Variants in POFUT4 observed in about 807,000 individuals in gnomAD.
POFUT4 encodes GDP-fucose protein O-fucosyltransferase 4.
At chr10:73,773,315 G>A in the POFUT4 span, 4 of 1,614,120 alleles carry the variant, frequency 2.5e-6, no homozygotes, top group Non-Finnish European at 3.4e-6. Context: ...AGTTCCACTT[G>A]GCCCTGGAAA....
the POFUT4 span, chr10:73,772,686 G>T: frequency 1.3e-6 from 2 of 1,563,480 alleles, no homozygotes; most frequent in African/African-American, 2.7e-5. Context: ...TCGCGGACGC[G>T]CGCGCTGCTC....
the POFUT4 span, chr10:73,773,122 T>G: frequency 7.9e-5 from 29 of 367,004 alleles, no homozygotes; most frequent in Non-Finnish European, 1.2e-4. Context: ...ACTCCAGGTG[T>G]CCAGGACTCC....
the POFUT4 span, chr10:73,772,288 G>A: frequency 7.3e-7 from 1 of 1,373,084 alleles, no homozygotes; most frequent in East Asian, 3.0e-5. Context: ...CTATCCGCTG[G>A]GCGGGGTCGG....
chr10:73,775,655 T>C, the POFUT4 span: 2 of 1,614,212 alleles, frequency 1.2e-6, no homozygotes, highest in Non-Finnish European at 1.7e-6. Context: ...ATTACCTACA[T>C]GAAATCTTCA....
the POFUT4 span, among the ~76,000 whole-genome samples, chr10:73,778,553 T>G: frequency 2.6e-5 from 4 of 152,040 alleles, no homozygotes; most frequent in African/African-American, 9.7e-5. Flanking sequence ...CTACTCTAGT[T>G]GTAATGTATT....
At chr10:73,772,462 T>C in the POFUT4 span, 2 of 1,555,072 alleles carry the variant, frequency 1.3e-6, no homozygotes, top group Non-Finnish European at 1.7e-6. Context: ...AACCGTGGGA[T>C]GGCGCGGTTT....
the POFUT4 span, chr10:73,775,228 T>C: frequency 1.7e-6 from 1 of 605,132 alleles, no homozygotes; most frequent in Non-Finnish European, 2.9e-6. Context: ...GCTTTCCTTA[T>C]GGAGACTGCC....
the POFUT4 span, chr10:73,773,318 C>G: frequency 3.1e-6 from 5 of 1,614,020 alleles, no homozygotes; most frequent in Non-Finnish European, 4.2e-6. Flanking sequence ...TCCACTTGGC[C>G]CTGGAAAATG....
chr10:73,775,319 T>C, the POFUT4 span: 1 of 1,098,750 alleles, frequency 9.1e-7, no homozygotes, highest in Non-Finnish European at 1.3e-6. Flanking sequence ...TCAGGAATCG[T>C]AATTGATTGG....
chr10:73,774,179 A>G, the POFUT4 span: 1 of 187,922 alleles, frequency 5.3e-6, no homozygotes, highest in African/African-American at 2.3e-5. Flanking sequence ...TTTGCACTGC[A>G]CTAAAAATCA....
chr10:73,773,715 A>AGCCCC, the POFUT4 span: 1 of 1,614,218 alleles, frequency 6.2e-7, no homozygotes, highest in Non-Finnish European at 8.5e-7. Context: ...TCCCGGGGAC[A>AGCCCC]GCCCCGTCTT....
At chr10:73,773,711 G>C in the POFUT4 span, 1 of 1,614,224 alleles carries the variant, frequency 6.2e-7, no homozygotes, top group Admixed American at 1.7e-5. Context: ...CCTCTCCCGG[G>C]GACAGCCCCG....
chr10:73,772,575 G>A, the POFUT4 span: 4 of 1,586,680 alleles, frequency 2.5e-6, no homozygotes, highest in Non-Finnish European at 3.4e-6. Flanking sequence ...CTGCTGTGGT[G>A]GAGCCCAGGG....
the POFUT4 span, chr10:73,780,243 CTTG>C: frequency 2.6e-5 from 4 of 152,122 alleles, no homozygotes; most frequent in African/African-American, 7.2e-5. Flanking sequence ...TAAACTGCTT[CTTG>C]TTAAACAATG....
the POFUT4 span, chr10:73,772,820 C>G: frequency 6.2e-7 from 1 of 1,612,118 alleles, no homozygotes; most frequent in Non-Finnish European, 8.5e-7. Context: ...CCCGGGCATC[C>G]GCCTCTTCAA....
chr10:73,777,022 C>A, the POFUT4 span, among the ~76,000 whole-genome samples: 1 of 152,146 alleles, frequency 6.6e-6, no homozygotes, highest in African/African-American at 2.4e-5. Flanking sequence ...TGGTTTTAGG[C>A]CCTTTTCCAC....
At chr10:73,772,586 C>T in the POFUT4 span, 6 of 1,585,124 alleles carry the variant, frequency 3.8e-6, no homozygotes, top group South Asian at 1.1e-5. Context: ...GAGCCCAGGG[C>T]TATTCCCCCA....
chr10:73,772,712 T>A, the POFUT4 span: 20 of 1,585,106 alleles, frequency 1.3e-5, no homozygotes, highest in Non-Finnish European at 1.7e-5. Flanking sequence ...CGGCACAGAC[T>A]TCCGCGCGTC....
chr10:73,775,373 G>A, the POFUT4 span: 68 of 1,553,888 alleles, frequency 4.4e-5, no homozygotes, highest in Admixed American at 3.1e-4. Context: ...ACTGCCTGTC[G>A]CTTGGGCTTA....
Sources: gnomAD v4.1 joint callset for allele counts (sites outside exome capture counted in the v4.1 genomes callset) on GRCh38, gnomAD v4.1.1 for gene constraint, MANE v1.5 for transcripts, NCBI Gene and HGNC (gene_info 2026-07-23, HGNC 2026-07-21) for gene names.